TCF12: variants seen among roughly 807,000 people sequenced by gnomAD.
TCF12 encodes the protein DNA-binding protein HTF4.
Under a neutral mutation model 86.0 loss-of-function variants are expected in TCF12, and 45 were observed. That is an observed-to-expected ratio of 0.52 (90% CI 0.41 to 0.67). The LOEUF (loss-of-function observed/expected upper bound fraction) is 0.67. Ranked by LOEUF, TCF12 falls within the 30% of genes least tolerant of loss-of-function variation. The pLI is 0.00. For missense variants in TCF12, 881 were observed against 859.9 expected (o/e 1.02, Z -0.31); for synonymous variants, 330 against 299.6 (o/e 1.10, Z -1.05).
At chr15:56,986,901 A>G (rs1488553861) in intron 3 of TCF12, among the ~76,000 whole-genome samples, 1 of 152,190 alleles carries the variant, frequency 6.6e-6, no homozygotes, top group African/African-American at 2.4e-5. Flanking sequence ...TGAAACAAAA[A>G]ATCTTCAAAG....
At chr15:57,176,124 G>C (rs1246462241) in intron 6 of TCF12, among the ~76,000 whole-genome samples, 1 of 152,186 alleles carries the variant, frequency 6.6e-6, no homozygotes, top group Non-Finnish European at 1.5e-5. Flanking sequence ...TTTGAGCCCA[G>C]GAGTTCAAGG....
intron 3 of TCF12, among the ~76,000 whole-genome samples, chr15:57,016,027 A>G (rs533378173): frequency 1.1e-4 from 17 of 152,338 alleles, no homozygotes; most frequent in Non-Finnish European, 2.4e-4. Context: ...TTTCTCCAAA[A>G]TCAGGCTAAC....
intron 19 of TCF12, among the ~76,000 whole-genome samples, chr15:57,274,263 A>AC (rs2061279052): frequency 6.6e-6 from 1 of 152,202 alleles, no homozygotes; most frequent in Non-Finnish European, 1.5e-5. Flanking sequence ...TCTTAGGAAA[A>AC]CCAGAGTTAG....
At chr15:57,239,499 G>GAGCA (rs1236558001) in intron 12 of TCF12, among the ~76,000 whole-genome samples, 2 of 129,686 alleles carry the variant, frequency 1.5e-5, no homozygotes, top group African/African-American at 5.5e-5. Flanking sequence ...CTGGGCAACA[G>GAGCA]AGCAAGACTC....
At chr15:57,148,746 G>T (rs2053546652) in intron 5 of TCF12, among the ~76,000 whole-genome samples, 1 of 151,088 alleles carries the variant, frequency 6.6e-6, no homozygotes, top group Non-Finnish European at 1.5e-5. Context: ...GCATGGTGGT[G>T]TGCACCTGTG....
chr15:57,075,758 TTTTCTTTCTTTC>T (rs762262996), intron 4 of TCF12, among the ~76,000 whole-genome samples: 155 of 91,284 alleles, frequency 1.7e-3, no homozygotes, highest in Non-Finnish European at 2.6e-3. Flanking sequence ...ATGAGGTTTC[TTTTCTTTCTTTC>T]TTTCTTTCTT....
intron 3 of TCF12, among the ~76,000 whole-genome samples, chr15:57,058,688 A>G (rs886722839): frequency 3.3e-5 from 5 of 152,210 alleles, no homozygotes; most frequent in African/African-American, 9.6e-5. Flanking sequence ...ATGAGGTAGC[A>G]TGTTTTAACT....
At chr15:57,083,697 A>G (rs989546826) in intron 4 of TCF12, among the ~76,000 whole-genome samples, 2 of 152,094 alleles carry the variant, frequency 1.3e-5, no homozygotes, top group Non-Finnish European at 2.9e-5. Context: ...GGATTCTTCT[A>G]TCACAGCCTT....
chr15:57,000,926 A>G lies in TCF12; in HGVS notation c.149-62824A>G, dbSNP rs2063991213. Among the ~76,000 whole-genome samples, 7 of 151,666 alleles carry G rather than the reference A, an allele frequency of 4.6e-5. No individual in the cohort carries two copies. The South Asian group carries it at 1.5e-3, about 32-fold the overall frequency. The stretch of plus-strand genomic sequence containing the variant: ...GTTGTCCTGTTTATTATGACTCTAC[A>G]GCCATTTTTTTCCTAGAAATAAATT... On this transcript the variant is annotated intron_variant, in intron 3 of 20. Transcript: ENST00000333725.
intron 3 of TCF12, among the ~76,000 whole-genome samples, chr15:57,063,319 A>C (rs574979118): frequency 6.6e-6 from 1 of 152,270 alleles, no homozygotes; most frequent in South Asian, 2.1e-4. Context: ...AAAGAAACCA[A>C]CTTTATTAAA....
chr15:57,097,580 C>T (rs1407552524), intron 5 of TCF12, among the ~76,000 whole-genome samples: 1 of 151,924 alleles, frequency 6.6e-6, no homozygotes, highest in Non-Finnish European at 1.5e-5. Context: ...CTTGAAATTT[C>T]TTCACTAGAT....
chr15:57,236,241 A>G (rs2059375626), intron 12 of TCF12, among the ~76,000 whole-genome samples: 1 of 152,132 alleles, frequency 6.6e-6, no homozygotes, highest in African/African-American at 2.4e-5. Flanking sequence ...CTCCCCAAAT[A>G]CATTCTTTTT....
intron 3 of TCF12, among the ~76,000 whole-genome samples, chr15:57,017,692 A>G (rs917174241): frequency 1.3e-5 from 2 of 150,730 alleles, no homozygotes; most frequent in African/African-American, 4.9e-5. Flanking sequence ...ACTGTAAGCA[A>G]CCTCAGGAGA....
intron 3 of TCF12, among the ~76,000 whole-genome samples, chr15:57,063,081 A>C (rs2068587076): frequency 6.6e-6 from 1 of 152,208 alleles, no homozygotes; most frequent in Non-Finnish European, 1.5e-5. Flanking sequence ...ATGGCACCTA[A>C]TTCTTTCTCA....
At chr15:57,253,220 A>G in intron 15 of TCF12, 42 bp from the exon 16 acceptor site, 1 of 1,605,566 alleles carries the variant, frequency 6.2e-7, no homozygotes, top group Non-Finnish European at 8.5e-7. Context: ...AATCTAACAG[A>G]TGCCAGCAAT....
chr15:56,968,274 T>A (rs2062105170), intron 3 of TCF12, among the ~76,000 whole-genome samples: 1 of 152,052 alleles, frequency 6.6e-6, no homozygotes, highest in South Asian at 2.1e-4. Context: ...TAATTTTGAT[T>A]TTTGTTTTGT....
chr15:57,124,319 G>A (rs1217787139), intron 5 of TCF12, among the ~76,000 whole-genome samples: 1 of 152,144 alleles, frequency 6.6e-6, no homozygotes, highest in African/African-American at 2.4e-5. Context: ...ACATTGATGT[G>A]AGGAAAATAT....
chr15:57,046,442 T>C (rs1474128160), intron 3 of TCF12, among the ~76,000 whole-genome samples: 1 of 152,092 alleles, frequency 6.6e-6, no homozygotes, highest in Non-Finnish European at 1.5e-5. Flanking sequence ...TGTTTTTGTT[T>C]GTTTGTTTGT....
intron 3 of TCF12, among the ~76,000 whole-genome samples, chr15:57,001,978 A>AAG (rs1404269372): frequency 6.6e-6 from 1 of 152,240 alleles, no homozygotes; most frequent in Non-Finnish European, 1.5e-5. Context: ...ACTTTCTAGA[A>AAG]AGAGAGAAAC....
Sources: gnomAD v4.1 joint callset for allele counts (sites outside exome capture counted in the v4.1 genomes callset) on GRCh38, gnomAD v4.1.1 for gene constraint, MANE v1.5 for transcripts, NCBI Gene and HGNC (gene_info 2026-07-23, HGNC 2026-07-21) for gene names.